Variants in PCDHGA7 observed in about 807,000 individuals in gnomAD.
PCDHGA7 encodes protocadherin gamma subfamily A, 7.
A neutral mutation model predicts 58.3 loss-of-function variants in PCDHGA7; 44 were observed. The observed-to-expected ratio is 0.75, with a 90% CI of 0.59 to 0.97. PCDHGA7 has a LOEUF of 0.97. Among genes scored for constraint, PCDHGA7 ranks in the 50% least tolerant of loss-of-function variants. The pLI, the probability that PCDHGA7 is intolerant of heterozygous loss-of-function variation, is 0.00. For missense variants in PCDHGA7, 1,266 were observed against 1,188.7 expected (o/e 1.06, Z -0.96); for synonymous variants, 516 against 504.2 (o/e 1.02, Z -0.31).
intron 1 of PCDHGA7, chr5:141,423,880 G>T: frequency 7.8e-7 from 1 of 1,282,292 alleles, no homozygotes; most frequent in Non-Finnish European, 9.9e-7. Flanking sequence ...TTTCAATCTT[G>T]GCATATTTTC....
rs199625514 is a variant in PCDHGA7 at position 141,485,144 on chromosome 5, G to C, written c.2425-9663G>C. The C allele has an allele frequency of 6.4e-7, 1 of 1,564,190 alleles. No homozygotes were observed. Among genetic ancestry groups the C allele is most frequent in the African/African-American group, 1.4e-5 (1 of 74,034 alleles). ...CGGGTCGGCTTCATCCGCGTCTCAG[G>C]AGCAAGTAGAGAATTAGCGGGCGGC... On this transcript the variant is annotated intron_variant, in intron 1 of 3. Coordinates refer to ENST00000518325, the MANE Select transcript of PCDHGA7 (RefSeq NM_018920.4). The surrounding 1 kb of genome is among the most constrained non-coding windows in gnomAD (Gnocchi z 5.7).
At chr5:141,389,091 G>A (rs1303132964) in intron 1 of PCDHGA7, 1 of 1,614,038 alleles carries the variant, frequency 6.2e-7, no homozygotes, top group Non-Finnish European at 8.5e-7. Flanking sequence ...GTATAAATTA[G>A]TGACAGATGC....
At chr5:141,387,211 C>T (rs184165131) in intron 1 of PCDHGA7, among the ~76,000 whole-genome samples, 35 of 152,068 alleles carry the variant, frequency 2.3e-4, no homozygotes, top group African/African-American at 7.7e-4. Flanking sequence ...TGATACTCTC[C>T]GGAAAAAGTT....
intron 1 of PCDHGA7, chr5:141,393,960 G>A (rs2092885452): frequency 4.3e-6 from 7 of 1,613,944 alleles, no homozygotes; most frequent in Non-Finnish European, 5.1e-6. Context: ...TGGTCAAGTT[G>A]TCTGTTACAC....
chr5:141,509,060 T>G (rs2099874519), intron 3 of PCDHGA7, among the ~76,000 whole-genome samples: 1 of 152,216 alleles, frequency 6.6e-6, no homozygotes, highest in Middle Eastern at 3.4e-3. Flanking sequence ...CAGAAAGCTC[T>G]CAGCTCCGGG....
At chr5:141,394,690 T>A (rs745602076) in intron 1 of PCDHGA7, 1 of 1,610,768 alleles carries the variant, frequency 6.2e-7, no homozygotes, top group East Asian at 2.2e-5. Flanking sequence ...ACGGGCGAGG[T>A]GCGCACGGCG....
Position 141,384,386 on chromosome 5 carries a change from T to A in PCDHGA7, c.1487T>A (p.Ile496Asn), listed in dbSNP as rs1208791457. The change falls in exon 1 of 4, where the codon ATC becomes AAC. Residue 496 changes from isoleucine (I) to asparagine (N), a missense_variant. Transcript: ENST00000518325. The stretch of plus-strand genomic sequence containing the variant: ...ACTTATTCCTTGGCCGAAGACACCA[T>A]CCAGGGGGCTCCAGTGTCCTCCTAT... ...QITYSLAEDT[I>N]QGAPVSSYVS... is the part of the protein sequence containing the mutation. The A allele has an allele frequency of 6.2e-7, 1 of 1,613,954 alleles. No homozygotes were observed. Among genetic ancestry groups the A allele is most frequent in the South Asian group, 1.1e-5 (1 of 91,092 alleles).
At position 141,415,171 on chromosome 5, in the gene PCDHGA7, G is replaced by A. The variant is rs748508713; in HGVS notation, c.2424+29848G>A. ...TCTCTCCGCCACTGTCACGCTCACC[G>A]TGGCCGTGGCCGACAGCATCCCCCA... On this transcript the variant is annotated intron_variant, in intron 1 of 3. Coordinates refer to ENST00000518325, the MANE Select transcript of PCDHGA7 (RefSeq NM_018920.4). 8 of 1,613,876 alleles carry A rather than the reference G, an allele frequency of 5.0e-6. No homozygotes were observed. In the South Asian group the frequency reaches 6.6e-5, roughly 13 times the overall value.
intron 1 of PCDHGA7, among the ~76,000 whole-genome samples, chr5:141,467,903 C>G (rs1256664266): frequency 6.6e-6 from 1 of 152,156 alleles, no homozygotes. Context: ...AAGAAATCCG[C>G]CCACCTCAGC....
chr5:141,488,711 A>G (rs184498001), intron 1 of PCDHGA7, among the ~76,000 whole-genome samples: 100 of 152,290 alleles, frequency 6.6e-4, no homozygotes, highest in Non-Finnish European at 1.2e-3. Context: ...TGCTGGTTCA[A>G]GCAAAGTGGT....
At chr5:141,504,206 A>G (rs1209911822) in intron 2 of PCDHGA7, among the ~76,000 whole-genome samples, 1 of 152,218 alleles carries the variant, frequency 6.6e-6, no homozygotes, top group African/African-American at 2.4e-5. Flanking sequence ...CTGTGGGAAA[A>G]TTCCAAGTAG....
chr5:141,394,150 A>C (rs781168813), intron 1 of PCDHGA7: 2 of 1,613,798 alleles, frequency 1.2e-6, no homozygotes, highest in East Asian at 4.5e-5. Context: ...GCAGACATTA[A>C]CGACAACCCT....
rs778819723 is a variant in PCDHGA7 at position 141,398,637 on chromosome 5, T to C, written c.2424+13314T>C. 1.9e-6 allele frequency: 3 copies of C among 1,613,908 alleles called. No homozygotes were observed. The African/African-American group carries it at 4.0e-5, about 22-fold the overall frequency. On this transcript the variant is annotated intron_variant, in intron 1 of 3. Transcript: ENST00000518325. ...TTGGCTTAAACTCTCTGCAGAAGTATAAACTCTCTCTTAACCCAAGTTTCT... is the reference window on the plus strand; with the variant it reads ...TTGGCTTAAACTCTCTGCAGAAGTACAAACTCTCTCTTAACCCAAGTTTCT...
chr5:141,390,396 T>G, intron 1 of PCDHGA7: 2 of 1,374,352 alleles, frequency 1.5e-6, no homozygotes, highest in Admixed American at 2.2e-5. Context: ...ATGGATCATT[T>G]TAGGAAAGTT....
chr5:141,416,722 A>G (rs891558095), intron 1 of PCDHGA7: 3 of 152,258 alleles, frequency 2.0e-5, no homozygotes, highest in Admixed American at 6.5e-5. Context: ...TGATGAGTTC[A>G]TTTAGTTCAA....
chr5:141,478,026 C>T (rs1192406949), intron 1 of PCDHGA7: 2 of 1,614,062 alleles, frequency 1.2e-6, no homozygotes, highest in East Asian at 2.2e-5. Flanking sequence ...GTCCAAGACA[C>T]AGATTCACCC....
chr5:141,403,465 G>A, intron 1 of PCDHGA7: 1 of 1,614,018 alleles, frequency 6.2e-7, no homozygotes, highest in Non-Finnish European at 8.5e-7. Context: ...AGAGCTACCA[G>A]CTCAGCCCCA....
intron 1 of PCDHGA7, chr5:141,419,465 G>A (rs568864628): frequency 1.9e-6 from 3 of 1,612,544 alleles, no homozygotes; most frequent in South Asian, 1.1e-5. Context: ...GCAGGCCCGC[G>A]ACCAGGGCTC....
At position 141,485,142 on chromosome 5, in the gene PCDHGA7, A is replaced by C. The variant is rs979255582; in HGVS notation, c.2425-9665A>C. 5 of 1,554,566 alleles carry C rather than the reference A, an allele frequency of 3.2e-6. No homozygotes were observed. The highest frequency in any genetic ancestry group is 3.5e-6 in the Non-Finnish European group (4 of 1,131,592). On this transcript the variant is annotated intron_variant, in intron 1 of 3. Transcript: ENST00000518325. The surrounding 1 kb of genome is among the most constrained non-coding windows in gnomAD (Gnocchi z 5.7). ...GGCGGGTCGGCTTCATCCGCGTCTC[A>C]GGAGCAAGTAGAGAATTAGCGGGCG... is the stretch of plus-strand genomic sequence containing the variant.
Sources: gnomAD v4.1 joint callset for allele counts (sites outside exome capture counted in the v4.1 genomes callset) on GRCh38, gnomAD v4.1.1 for gene constraint, Gnocchi (gnomAD v3.1) non-coding constraint, MANE v1.5 for transcripts, NCBI Gene and HGNC (gene_info 2026-07-23, HGNC 2026-07-21) for gene names.